The following ARHGAP24 variants were observed in gnomAD, a reference collection of about 807,000 sequenced individuals.
ARHGAP24 encodes rho GTPase-activating protein 24.
In ARHGAP24, 50 loss-of-function variants were observed where a neutral mutation model predicts 76.4. That is an observed-to-expected ratio of 0.65 (90% CI 0.52 to 0.83). The LOEUF (loss-of-function observed/expected upper bound fraction) is 0.83. Ranked by LOEUF, ARHGAP24 falls within the 40% of genes least tolerant of loss-of-function variation. ARHGAP24 has a pLI of 0.00. For synonymous variants in ARHGAP24, 345 were observed against 323.3 expected (o/e 1.07, Z -0.72); for missense variants, 930 against 914.2 (o/e 1.02, Z -0.22).
rs938402512 is a variant in ARHGAP24, at chr4:85,864,003, G to A, written c.269-59645G>A. Among the ~76,000 whole-genome samples, 9 of 152,130 alleles carry A rather than the reference G, an allele frequency of 5.9e-5. No individual in the cohort carries two copies. The South Asian group carries it at 1.5e-3, about 25-fold the overall frequency. On this transcript the variant is annotated intron_variant, in intron 3 of 9. Transcript: ENST00000395184. ...TTCAATCAGGCATGACATTTACATA[G>A]AGAAGAGGAGAAGACTGGTCGTCCC...
intron 8 of ARHGAP24, among the ~76,000 whole-genome samples, chr4:85,988,322 C>T (rs1430080164): frequency 6.6e-6 from 1 of 151,342 alleles, no homozygotes; most frequent in Non-Finnish European, 1.5e-5. Flanking sequence ...TAAAAGATAA[C>T]CTGTTGTATA....
intron 1 of ARHGAP24, among the ~76,000 whole-genome samples, chr4:85,518,297 TC>T (rs1247799530): frequency 2.0e-5 from 3 of 152,134 alleles, no homozygotes. Flanking sequence ...AATGATTTGT[TC>T]CCAAGGGTTT....
intron 3 of ARHGAP24, among the ~76,000 whole-genome samples, chr4:85,731,015 CACACACACACACAG>C (rs1165572337): frequency 3.7e-5 from 5 of 135,314 alleles, no homozygotes; most frequent in Admixed American, 8.1e-5. Flanking sequence ...CACACACACA[CACACACACACACAG>C]AGAGAGAGAC....
chr4:85,661,372 G>A (rs116802135), intron 2 of ARHGAP24, among the ~76,000 whole-genome samples: 366 of 152,230 alleles, frequency 2.4e-3, no homozygotes, highest in African/African-American at 8.4e-3. Context: ...AAAATACGTC[G>A]TAGGCTCAAA....
chr4:85,961,419 G>T (rs761252109), intron 5 of ARHGAP24, among the ~76,000 whole-genome samples: 3 of 152,140 alleles, frequency 2.0e-5, no homozygotes, highest in African/African-American at 7.2e-5. Context: ...TAGAGATTCA[G>T]CTGCGTAAAA....
intron 1 of ARHGAP24, among the ~76,000 whole-genome samples, chr4:85,501,272 T>C (rs1478480291): frequency 3.3e-5 from 5 of 152,158 alleles, no homozygotes; most frequent in Non-Finnish European, 4.4e-5. Context: ...ATGGTATTTC[T>C]AGTTCTAGAT....
rs1741006382 is a variant in ARHGAP24 at position 86,001,337 on chromosome 4, T to C, written c.*615T>C. On this transcript the variant is annotated 3_prime_UTR_variant, in exon 10 of 10. Coordinates refer to ENST00000395184, the MANE Select transcript of ARHGAP24 (RefSeq NM_001025616.3). ...AGGAACCTTTGAGCTGCTTTTAAAATTCTTCCCCTGGCACCACTCAGTTTT... is the reference window on the plus strand; with the variant it reads ...AGGAACCTTTGAGCTGCTTTTAAAACTCTTCCCCTGGCACCACTCAGTTTT... 2.5e-6 allele frequency: 1 copy of C among 398,886 alleles called. No individual in the cohort carries two copies. The highest frequency in any genetic ancestry group is 1.3e-4 in the South Asian group (1 of 7,862). The allele number at this position is 398,886 out of a possible 1,614,324, so 24.7% of individuals were successfully genotyped here.
intron 1 of ARHGAP24, among the ~76,000 whole-genome samples, chr4:85,493,364 C>T (rs945130965): frequency 1.3e-5 from 2 of 152,124 alleles, no homozygotes; most frequent in South Asian, 2.1e-4. Context: ...TGCCAAATGG[C>T]GATTTTCTAT....
intron 2 of ARHGAP24, among the ~76,000 whole-genome samples, chr4:85,658,945 A>C (rs7672626): frequency 0.028 from 4,307 of 152,262 alleles, 188 homozygotes; most frequent in African/African-American, 0.097. Flanking sequence ...CAGAGCTGAT[A>C]GGATTTGCTG....
chr4:85,502,735 G>T (rs1156707833), intron 1 of ARHGAP24, among the ~76,000 whole-genome samples: 2 of 152,042 alleles, frequency 1.3e-5, no homozygotes, highest in Non-Finnish European at 2.9e-5. Context: ...TGATTGCCCT[G>T]GCCAGAACTT....
chr4:85,741,861 A>G (rs776041887), intron 3 of ARHGAP24, among the ~76,000 whole-genome samples: 5 of 152,134 alleles, frequency 3.3e-5, no homozygotes, highest in Non-Finnish European at 7.3e-5. Flanking sequence ...TTGTAGTTGC[A>G]TTTTACTAGA....
chr4:85,878,873 T>A (rs1416225375), intron 3 of ARHGAP24, among the ~76,000 whole-genome samples: 1 of 152,204 alleles, frequency 6.6e-6, no homozygotes, highest in Non-Finnish European at 1.5e-5. Context: ...TGAATTTTTC[T>A]CTTTTGGCCA....
chr4:85,726,671 C>T (rs1345982053), intron 3 of ARHGAP24, among the ~76,000 whole-genome samples: 1 of 152,122 alleles, frequency 6.6e-6, no homozygotes, highest in Non-Finnish European at 1.5e-5. Context: ...TCTTTGGGAT[C>T]TAGAGAGAGT....
intron 2 of ARHGAP24, among the ~76,000 whole-genome samples, chr4:85,656,212 A>C (rs79699222): frequency 1.9e-3 from 282 of 152,318 alleles, no homozygotes; most frequent in African/African-American, 6.7e-3. Flanking sequence ...ATGTATTTAA[A>C]AACACTGGCT....
intron 3 of ARHGAP24, among the ~76,000 whole-genome samples, chr4:85,850,387 T>C (rs915566040): frequency 1.3e-5 from 2 of 152,194 alleles, no homozygotes; most frequent in African/African-American, 4.8e-5. Flanking sequence ...TGTTGATCTT[T>C]TCAAAAAACC....
intron 2 of ARHGAP24, among the ~76,000 whole-genome samples, chr4:85,665,265 G>A (rs1213284021): frequency 6.6e-6 from 1 of 152,092 alleles, no homozygotes; most frequent in African/African-American, 2.4e-5. Context: ...TTACCATTAT[G>A]TAATGGCCTT....
chr4:85,912,557 A>G (rs781456497), intron 3 of ARHGAP24, among the ~76,000 whole-genome samples: 11 of 152,196 alleles, frequency 7.2e-5, no homozygotes, highest in Non-Finnish European at 1.0e-4. Context: ...TTGTGCTATC[A>G]TAGTATTTTA....
chr4:85,874,896 TATATAATTTA>T (rs1732763969), intron 3 of ARHGAP24, among the ~76,000 whole-genome samples: 1 of 108,704 alleles, frequency 9.2e-6, no homozygotes, highest in Non-Finnish European at 1.7e-5. Flanking sequence ...AAATATATTT[TATATAATTTA>T]TATATAAATA....
intron 3 of ARHGAP24, among the ~76,000 whole-genome samples, chr4:85,781,116 T>C (rs77358502): frequency 0.012 from 1,755 of 152,356 alleles, 38 homozygotes; most frequent in African/African-American, 0.04. Flanking sequence ...TATTCAATTC[T>C]TCTGTGTGGA....
Sources: allele counts gnomAD v4.1 joint callset (sites outside exome capture counted in the v4.1 genomes callset), GRCh38; gene constraint gnomAD v4.1.1; transcripts MANE v1.5; gene names NCBI Gene and HGNC (gene_info 2026-07-23, HGNC 2026-07-21).